The following BAHCC1 variants were observed in gnomAD, a reference collection of about 807,000 sequenced individuals.
BAHCC1 encodes the protein BAH and coiled-coil domain-containing protein 1.
In BAHCC1, 43 loss-of-function variants were observed where a neutral mutation model predicts 88.2. The ratio of observed to expected loss-of-function variants is 0.49; its 90% CI spans 0.38 to 0.63. The LOEUF is 0.63. Among genes scored for constraint, BAHCC1 ranks in the 20% least tolerant of loss-of-function variants. The pLI is 0.00. For missense variants in BAHCC1, 3,023 were observed against 1,654.8 expected (o/e 1.83, Z -14.34); for synonymous variants, 1,510 against 745.5 (o/e 2.03, Z -16.71).
chr17:81,438,612 C>T (rs2064370387), intron 4 of BAHCC1, 120 bp downstream of exon 4: 8 of 665,342 alleles, frequency 1.2e-5, no homozygotes, highest in East Asian at 5.5e-5. Flanking sequence ...CAGGTGTCAT[C>T]GAGGCCAGGG....
intron 3 of BAHCC1, among the ~76,000 whole-genome samples, chr17:81,432,477 G>C (rs887946803): frequency 6.8e-6 from 1 of 146,586 alleles, no homozygotes; most frequent in Admixed American, 6.8e-5. Context: ...TCCACGCTCC[G>C]AGAACTGTCC....
intron 15 of BAHCC1, among the ~76,000 whole-genome samples, chr17:81,455,663 C>T (rs917311361): frequency 6.6e-6 from 1 of 152,232 alleles, no homozygotes; most frequent in Non-Finnish European, 1.5e-5. Flanking sequence ...GCCCAGGCTA[C>T]ACTCTGCTCA....
intron 2 of BAHCC1, chr17:81,422,040 C>T (rs575650008): frequency 4.0e-5 from 12 of 301,542 alleles, no homozygotes; most frequent in South Asian, 1.9e-4. Context: ...GAGGCGGAGT[C>T]GCACTTTGTC....
Position 81,447,346 on chromosome 17 carries a change from A to G in BAHCC1, c.3474A>G (p.Gln1158=), listed in dbSNP as rs1410005590. The change falls in exon 11 of 28, where the codon CAA becomes CAG. Residue 1158 remains glutamine, a synonymous_variant. Coordinates refer to ENST00000675386, the MANE Select transcript of BAHCC1 (RefSeq NM_001377448.1). ...CACTAGAGGGGCTACAAGAACTGCA[A>G]TGTGCGGCCCTCCTGGAGGCAGGGG... ...PSPLEGLQEL[Q]CAALLEAGGP... 1.3e-6 allele frequency: 1 copy of G among 747,260 alleles called. No individual in the cohort carries two copies. The highest frequency in any genetic ancestry group is 2.5e-6 in the Non-Finnish European group (1 of 403,002). 46.3% of individuals were successfully genotyped at this position (747,260 alleles called of 1,614,324 possible).
At position 81,455,744 on chromosome 17, in the gene BAHCC1, C is replaced by T. The variant is rs117022730; in HGVS notation, c.4569+354C>T. Among the ~76,000 whole-genome samples, 1,429 of 152,230 alleles carry T rather than the reference C, an allele frequency of 9.4e-3. 9 individuals carry two copies. Among genetic ancestry groups the T allele is most frequent in the Middle Eastern group, 0.017 (5 of 292 alleles). On this transcript the variant is annotated intron_variant, in intron 15 of 27. Transcript: ENST00000675386. ...GGGCACACTTGGTGTGGCGGGGGCT[C>T]CTCCGGCTGCCGGCACCCCCTTTCT... is the stretch of plus-strand genomic sequence containing the variant.
chr17:81,438,054 G>C (rs1193006091), intron 3 of BAHCC1, among the ~76,000 whole-genome samples: 1 of 152,218 alleles, frequency 6.6e-6, no homozygotes, highest in Admixed American at 6.5e-5. Context: ...CCTCCCCAGA[G>C]TCCCTTTTGT....
chr17:81,430,280 T>TG (rs1469098302), intron 3 of BAHCC1, among the ~76,000 whole-genome samples: 1 of 151,634 alleles, frequency 6.6e-6, no homozygotes, highest in Admixed American at 6.6e-5. Flanking sequence ...ATTCTGTTCC[T>TG]GGGGGGCTCA....
chr17:81,457,006 C>T (rs1184343055), intron 16 of BAHCC1, among the ~76,000 whole-genome samples: 1 of 152,110 alleles, frequency 6.6e-6, no homozygotes, highest in Non-Finnish European at 1.5e-5. Flanking sequence ...AGCTTCCTTT[C>T]TTCTGCCAGC....
intron 17 of BAHCC1, 111 bp from the exon 18 acceptor site, chr17:81,458,054 G>GA (rs2029890228): frequency 1.6e-6 from 1 of 644,672 alleles, no homozygotes. Context: ...GGGTAACCCG[G>GA]GGGCGGGCAG....
intron 3 of BAHCC1, among the ~76,000 whole-genome samples, chr17:81,427,240 G>T (rs1350886294): frequency 6.6e-6 from 1 of 152,210 alleles, no homozygotes; most frequent in Non-Finnish European, 1.5e-5. Context: ...GGGAAACAGG[G>T]GGGCCAGGAG....
In BAHCC1 at chr17:81,447,484, G is replaced by A. The variant is rs1223651723; in HGVS notation, c.3612G>A (p.Glu1204=). 3 of 743,080 alleles carry A rather than the reference G, an allele frequency of 4.0e-6. No homozygotes were observed. The highest frequency in any genetic ancestry group is 7.5e-6 in the Non-Finnish European group (3 of 399,874). 46.0% of individuals were successfully genotyped at this position (743,080 alleles called of 1,614,324 possible). The change falls in exon 11 of 28, where the codon GAG becomes GAA. Residue 1204 remains glutamate (E), a synonymous_variant. Transcript: ENST00000675386. ...PSSGASSQVL[E]QRAGSPGALE... is the part of the protein sequence containing the mutation. Reference sequence around the variant, plus strand: ...CAGGGGCCTCCTCCCAAGTCCTGGAGCAGCGAGCAGGGAGTCCGGGTGCCC... The same window carrying A: ...CAGGGGCCTCCTCCCAAGTCCTGGAACAGCGAGCAGGGAGTCCGGGTGCCC...
At chr17:81,403,208 T>A (rs2063838266) in intron 2 of BAHCC1, among the ~76,000 whole-genome samples, 1 of 152,204 alleles carries the variant, frequency 6.6e-6, no homozygotes, top group Non-Finnish European at 1.5e-5. Context: ...TCCTGGCTTC[T>A]GGCTGGGCCC....
chr17:81,430,361 G>A (rs1466034943), intron 3 of BAHCC1, among the ~76,000 whole-genome samples: 1 of 152,148 alleles, frequency 6.6e-6, no homozygotes, highest in Non-Finnish European at 1.5e-5. Flanking sequence ...TGTGCCACCT[G>A]GGGGGAGCCA....
chr17:81,453,027 C>T lies in BAHCC1; in HGVS notation c.4445+176C>T, dbSNP rs546600920. Among the ~76,000 whole-genome samples, 79 of 152,276 alleles carry T rather than the reference C, an allele frequency of 5.2e-4. 1 individual carries two copies. In the South Asian group the frequency reaches 0.015, roughly 30 times the overall value. On this transcript the variant is annotated intron_variant, in intron 14 of 27. Transcript: ENST00000675386. ...ATCGAGAGTGACCAGCAGACAGAGCCCTGCTCCAGACAGGCTTTGCCCTTC... is the reference window on the plus strand; with the variant it reads ...ATCGAGAGTGACCAGCAGACAGAGCTCTGCTCCAGACAGGCTTTGCCCTTC...
Position 81,458,192 on chromosome 17 carries a change from G to A in BAHCC1, c.5069G>A (p.Ser1690Asn). The change falls in exon 18 of 28, where the codon AGT becomes AAT. Residue 1690 changes from serine (S) to asparagine (N), a missense_variant. Transcript: ENST00000675386. ...GCCTGCCGCCTGTCCAGCCCTGAGA[G>A]TGAGGTCAAGATCAAGAGGCGGTCG... Reference protein sequence around the residue: ...LGACRLSSPESEVKIKRRSVK... With the variant: ...LGACRLSSPENEVKIKRRSVK... 1 of 724,820 alleles carries A rather than the reference G, an allele frequency of 1.4e-6. No homozygotes were observed. The allele number at this position is 724,820 out of a possible 1,614,324, so 44.9% of individuals were successfully genotyped here.
At chr17:81,408,043 C>T (rs1296920360) in intron 2 of BAHCC1, among the ~76,000 whole-genome samples, 2 of 152,202 alleles carry the variant, frequency 1.3e-5, no homozygotes, top group African/African-American at 4.8e-5. Context: ...TCCACATGAC[C>T]CTCTGTGGCT....
At chr17:81,409,299 C>T (rs367711285) in intron 2 of BAHCC1, among the ~76,000 whole-genome samples, 64 of 152,342 alleles carry the variant, frequency 4.2e-4, no homozygotes, top group African/African-American at 1.5e-3. Context: ...GCAGATGGCG[C>T]TGTCCTCTCC....
intron 2 of BAHCC1, among the ~76,000 whole-genome samples, chr17:81,410,604 CCT>C (rs1555647690): frequency 6.6e-6 from 1 of 150,594 alleles, no homozygotes; most frequent in African/African-American, 2.4e-5. Context: ...CACCACGGGT[CCT>C]GGCACCACGG....
chr17:81,442,659 A>G lies in BAHCC1; in HGVS notation c.1310A>G (p.Tyr437Cys), dbSNP rs782723954. The change falls in exon 5 of 28, where the codon TAT becomes TGT. Residue 437 changes from tyrosine to cysteine, a missense_variant. Coordinates refer to ENST00000675386, the MANE Select transcript of BAHCC1 (RefSeq NM_001377448.1). ...ATGGCCCCCGACCACGCTGCACCCT[A>G]TGGAGTCTCCTATGCCCACCTGAAG... Reference protein sequence around the residue: ...GTMAPDHAAPYGVSYAHLKAE... With the variant: ...GTMAPDHAAPCGVSYAHLKAE... The G allele has an allele frequency of 7.7e-6, 6 of 775,360 alleles. No homozygotes were observed. The highest frequency in any genetic ancestry group is 2.4e-5 in the East Asian group (1 of 41,052). 48.0% of individuals were successfully genotyped at this position (775,360 alleles called of 1,614,324 possible).
Sources: allele counts gnomAD v4.1 joint callset (sites outside exome capture counted in the v4.1 genomes callset), GRCh38; gene constraint gnomAD v4.1.1; transcripts MANE v1.5; gene names NCBI Gene and HGNC (gene_info 2026-07-23, HGNC 2026-07-21).